The following BTBD9 variants were observed in gnomAD, a reference collection of about 807,000 sequenced individuals.
BTBD9 encodes the protein BTB domain containing 9.
BTBD9 carries 49 observed loss-of-function variants against 64.3 expected under a neutral mutation model. That is an observed-to-expected ratio of 0.76 (90% CI 0.61 to 0.97). The LOEUF is 0.97. Ranked by LOEUF, BTBD9 falls within the 50% of genes least tolerant of loss-of-function variation. BTBD9 has a pLI of 0.00. For missense variants in BTBD9, 598 were observed against 762.1 expected (o/e 0.78, Z 2.53); for synonymous variants, 260 against 274.7 (o/e 0.95, Z 0.53).
At chr6:38,533,148 C>A (rs1773871398) in intron 6 of BTBD9, among the ~76,000 whole-genome samples, 2 of 151,846 alleles carry the variant, frequency 1.3e-5, no homozygotes, top group Admixed American at 1.3e-4. Flanking sequence ...CAAGACCCAA[C>A]AATCTGTTGC....
At chr6:38,546,990 C>A (rs563950329) in intron 6 of BTBD9, among the ~76,000 whole-genome samples, 2 of 152,232 alleles carry the variant, frequency 1.3e-5, no homozygotes, top group South Asian at 2.1e-4. Context: ...TATCAGTGTT[C>A]TTTGATGTTA....
At chr6:38,538,572 T>C (rs1022808168) in intron 6 of BTBD9, among the ~76,000 whole-genome samples, 1 of 152,112 alleles carries the variant, frequency 6.6e-6, no homozygotes, top group Non-Finnish European at 1.5e-5. Flanking sequence ...CAAATTATTA[T>C]CTAGATTAGT....
intron 6 of BTBD9, among the ~76,000 whole-genome samples, chr6:38,486,774 C>A (rs1252201462): frequency 6.6e-6 from 1 of 152,198 alleles, no homozygotes; most frequent in Non-Finnish European, 1.5e-5. Flanking sequence ...CAAGTAAGCA[C>A]ATGCTGCTGG....
intron 8 of BTBD9, among the ~76,000 whole-genome samples, chr6:38,266,804 C>A (rs1364409021): frequency 6.6e-6 from 1 of 152,192 alleles, no homozygotes; most frequent in Non-Finnish European, 1.5e-5. Flanking sequence ...AATACAGCCC[C>A]TTCCTTAAGC....
At chr6:38,217,809 A>G (rs1763062565) in intron 9 of BTBD9, among the ~76,000 whole-genome samples, 1 of 150,810 alleles carries the variant, frequency 6.6e-6, no homozygotes, top group Non-Finnish European at 1.5e-5. Context: ...CTCTGCTGTC[A>G]CACCTGGAAA....
At chr6:38,353,353 A>C (rs1343514288) in intron 6 of BTBD9, among the ~76,000 whole-genome samples, 5 of 151,550 alleles carry the variant, frequency 3.3e-5, no homozygotes. Context: ...TTATAGAGAG[A>C]GAAAATGAGA....
rs528908547 is a variant in BTBD9, at chr6:38,217,502, G to A, written c.1563-24905C>T. 2.4e-4 allele frequency among the ~76,000 whole-genome samples: 37 copies of A among 152,010 alleles called. 1 individual carries two copies. Among genetic ancestry groups the A allele is most frequent in the South Asian group, 2.1e-4 (1 of 4,802 alleles). On this transcript the variant is annotated intron_variant, in intron 9 of 10. Coordinates refer to ENST00000481247, the MANE Select transcript of BTBD9 (RefSeq NM_001099272.2). ...GATGAGGGACTGACATGGAGATACC[G>A]TGGGCAAGAAGGTTCCAAATGCAGC...
intron 8 of BTBD9, among the ~76,000 whole-genome samples, chr6:38,273,846 TGGA>T (rs968304961): frequency 6.6e-6 from 1 of 152,182 alleles, no homozygotes; most frequent in Non-Finnish European, 1.5e-5. Flanking sequence ...TCAGGAGAGA[TGGA>T]GGAGAGCGAA....
chr6:38,537,857 C>T (rs1774089831), intron 6 of BTBD9, among the ~76,000 whole-genome samples: 1 of 152,130 alleles, frequency 6.6e-6, no homozygotes, highest in Non-Finnish European at 1.5e-5. Flanking sequence ...CACTTTCAAG[C>T]CTTGGTCCTA....
chr6:38,348,364 G>A (rs888449979), intron 6 of BTBD9, among the ~76,000 whole-genome samples: 4 of 152,182 alleles, frequency 2.6e-5, no homozygotes, highest in African/African-American at 9.7e-5. Flanking sequence ...TTCAGCACAA[G>A]TCAGACTCTG....
intron 6 of BTBD9, chr6:38,504,484 C>G (rs1772368157): frequency 2.2e-6 from 1 of 453,844 alleles, no homozygotes; most frequent in African/African-American, 2.0e-5. Flanking sequence ...TAGACCACAT[C>G]TCCTCTTACC....
At chr6:38,419,646 G>A (rs532139461) in intron 6 of BTBD9, among the ~76,000 whole-genome samples, 19 of 152,190 alleles carry the variant, frequency 1.2e-4, no homozygotes, top group South Asian at 1.2e-3. Context: ...CGAGGCGGGC[G>A]GATCACCTAA....
chr6:38,613,801 G>A (rs2127515729), intron 1 of BTBD9, among the ~76,000 whole-genome samples: 1 of 152,216 alleles, frequency 6.6e-6, no homozygotes, highest in South Asian at 2.1e-4. Flanking sequence ...TGGACTCTGG[G>A]AGATGTGGGC....
intron 7 of BTBD9, among the ~76,000 whole-genome samples, chr6:38,324,907 C>A (rs1763363716): frequency 6.6e-6 from 1 of 152,104 alleles, no homozygotes; most frequent in African/African-American, 2.4e-5. Flanking sequence ...CCTAGGTTTC[C>A]ATCACCAGGG....
intron 6 of BTBD9, among the ~76,000 whole-genome samples, chr6:38,465,741 A>G (rs1326429597): frequency 1.1e-3 from 54 of 48,066 alleles, no homozygotes; most frequent in Admixed American, 5.4e-3. Context: ...ATATATATAT[A>G]TATATATATA....
chr6:38,273,497 G>A (rs543379590), intron 8 of BTBD9, among the ~76,000 whole-genome samples: 2 of 152,276 alleles, frequency 1.3e-5, no homozygotes, highest in East Asian at 3.9e-4. Flanking sequence ...CAATTCAAAA[G>A]TAGAGATAAT....
intron 1 of BTBD9, among the ~76,000 whole-genome samples, chr6:38,598,786 G>A (rs564772413): frequency 8.6e-5 from 13 of 152,038 alleles, no homozygotes; most frequent in South Asian, 6.2e-4. Flanking sequence ...GCCTGGTGGC[G>A]CATGCCTGTA....
chr6:38,450,032 T>C (rs989789548), intron 6 of BTBD9, among the ~76,000 whole-genome samples: 5 of 152,160 alleles, frequency 3.3e-5, no homozygotes, highest in Non-Finnish European at 2.9e-5. Flanking sequence ...TGTCCATCAA[T>C]GAATGAATGG....
At chr6:38,399,775 G>T (rs1246626165) in intron 6 of BTBD9, among the ~76,000 whole-genome samples, 1 of 151,970 alleles carries the variant, frequency 6.6e-6, no homozygotes, top group Non-Finnish European at 1.5e-5. Flanking sequence ...TCTTGAGACA[G>T]AATTTCACTC....
Sources: gnomAD v4.1 joint callset for allele counts (sites outside exome capture counted in the v4.1 genomes callset) on GRCh38, gnomAD v4.1.1 for gene constraint, MANE v1.5 for transcripts, NCBI Gene and HGNC (gene_info 2026-07-23, HGNC 2026-07-21) for gene names.